WWOX: variants seen among roughly 807,000 people sequenced by gnomAD.
The protein encoded by WWOX is WW domain-containing oxidoreductase.
Under a neutral mutation model 46.2 loss-of-function variants are expected in WWOX, and 69 were observed. That is an observed-to-expected ratio of 1.49 (90% CI 1.23 to 1.82). The LOEUF (loss-of-function observed/expected upper bound fraction) is 1.82, where lower values mean the gene tolerates loss of function less well. Among genes scored for constraint, WWOX ranks in the 40% most tolerant of loss-of-function variants. The pLI, the probability that WWOX is intolerant of heterozygous loss-of-function variation, is 0.00. For synonymous variants in WWOX, 359 were observed against 202.6 expected (o/e 1.77, Z -6.56); for missense variants, 919 against 542.6 (o/e 1.69, Z -6.89).
At position 78,489,901 on chromosome 16, in the gene WWOX, C is replaced by T. The variant is rs141429084; in HGVS notation, c.1056+57149C>T. 1.1e-4 allele frequency among the ~76,000 whole-genome samples: 17 copies of T among 152,186 alleles called. No homozygotes were observed. In the East Asian group the frequency reaches 2.9e-3, roughly 26 times the overall value. On this transcript the variant is annotated intron_variant, in intron 8 of 8. Transcript: ENST00000566780. The stretch of plus-strand genomic sequence containing the variant: ...GAGGAGGAGGGGTCTGACAGATAGC[C>T]GGATGATTTTAATGTTTATATTCCA...
chr16:78,735,406 C>G (rs2049065938), intron 8 of WWOX, among the ~76,000 whole-genome samples: 2 of 150,606 alleles, frequency 1.3e-5, no homozygotes, highest in South Asian at 2.1e-4. Context: ...CACACACACA[C>G]ACACACACAC....
intron 8 of WWOX, among the ~76,000 whole-genome samples, chr16:78,960,125 C>T (rs1289558740): frequency 6.6e-6 from 1 of 152,124 alleles, no homozygotes; most frequent in Non-Finnish European, 1.5e-5. Flanking sequence ...TGTGCTGTGG[C>T]TCAGAGGCAG....
intron 8 of WWOX, among the ~76,000 whole-genome samples, chr16:78,622,245 A>C (rs188729126): frequency 2.0e-5 from 3 of 152,126 alleles, no homozygotes; most frequent in Non-Finnish European, 4.4e-5. Context: ...CTACTCTGAT[A>C]AAAGTGAACC....
chr16:78,302,924 T>G (rs1032879043), intron 5 of WWOX, among the ~76,000 whole-genome samples: 5 of 152,172 alleles, frequency 3.3e-5, no homozygotes, highest in Admixed American at 2.0e-4. Context: ...CACTACTTTA[T>G]CAACTGTAAT....
At chr16:78,533,186 C>T (rs1170541752) in intron 8 of WWOX, among the ~76,000 whole-genome samples, 1 of 152,114 alleles carries the variant, frequency 6.6e-6, no homozygotes, top group East Asian at 1.9e-4. Flanking sequence ...CTTTACAGGT[C>T]AGCCAGTTGG....
chr16:78,844,689 G>T (rs1025301587), intron 8 of WWOX, among the ~76,000 whole-genome samples: 1 of 152,172 alleles, frequency 6.6e-6, no homozygotes, highest in Non-Finnish European at 1.5e-5. Context: ...TTTAAAGAAA[G>T]ATTTTGCAGA....
At chr16:78,206,598 T>C (rs948927593) in intron 5 of WWOX, among the ~76,000 whole-genome samples, 2 of 152,194 alleles carry the variant, frequency 1.3e-5, no homozygotes, top group Non-Finnish European at 2.9e-5. Flanking sequence ...AATTTCACCC[T>C]ATTCTATTTT....
In WWOX at chr16:79,094,699, A is replaced by C. The variant is rs371752520; in HGVS notation, c.1057-116909A>C. On this transcript the variant is annotated intron_variant, in intron 8 of 8. Coordinates refer to ENST00000566780, the MANE Select transcript of WWOX (RefSeq NM_016373.4). ...TGGTATAAAATATGTACAAGGATAC[A>C]TATATAAACTTAGTGACCATCTGAA... Among the ~76,000 whole-genome samples the C allele has an allele frequency of 1.3e-4, 20 of 152,296 alleles. No individual in the cohort carries two copies. The South Asian group carries it at 4.1e-3, about 32-fold the overall frequency.
At chr16:79,145,739 T>G (rs1248831586) in intron 8 of WWOX, among the ~76,000 whole-genome samples, 2 of 152,204 alleles carry the variant, frequency 1.3e-5, no homozygotes, top group Non-Finnish European at 2.9e-5. Context: ...AGCAATGAAA[T>G]AATTTGAAGA....
chr16:78,516,637 C>T (rs2043241696), intron 8 of WWOX, among the ~76,000 whole-genome samples: 1 of 152,156 alleles, frequency 6.6e-6, no homozygotes. Flanking sequence ...TGTATTGTCT[C>T]CTCCTATTCC....
At chr16:78,220,272 A>T (rs1018176702) in intron 5 of WWOX, among the ~76,000 whole-genome samples, 1 of 152,140 alleles carries the variant, frequency 6.6e-6, no homozygotes, top group Non-Finnish European at 1.5e-5. Flanking sequence ...TATGTGATGG[A>T]TACTTCTATT....
chr16:78,798,062 C>T (rs914872534), intron 8 of WWOX, among the ~76,000 whole-genome samples: 3 of 152,168 alleles, frequency 2.0e-5, no homozygotes, highest in Non-Finnish European at 4.4e-5. Flanking sequence ...CCAGTCTTCT[C>T]CTTTTGTTTC....
chr16:78,432,637 G>A lies in WWOX; in HGVS notation c.941G>A (p.Arg314His), dbSNP rs73572838. 9,939 of 1,614,114 alleles carry A rather than the reference G, an allele frequency of 6.2e-3. 449 individuals are homozygous for A. The African/African-American group carries it at 0.11, about 18-fold the overall frequency. Residue 314 changes from arginine (R) to histidine (H), a missense_variant, in exon 8 of 9, where the codon CGC becomes CAC. Coordinates refer to ENST00000566780, the MANE Select transcript of WWOX (RefSeq NM_016373.4). The part of the protein sequence containing the change: ...SNELHRRLSP[R>H]GVTSNAVHPG... The stretch of plus-strand genomic sequence containing the variant: ...GAGCTGCACCGTCGCCTCTCCCCAC[G>A]CGGGGTCACGTCGAACGCAGTGCAT...
At chr16:78,361,251 A>C (rs1358203046) in intron 5 of WWOX, among the ~76,000 whole-genome samples, 1 of 152,176 alleles carries the variant, frequency 6.6e-6, no homozygotes. Flanking sequence ...TATAAAAATG[A>C]TGTGGTGTCT....
intron 8 of WWOX, among the ~76,000 whole-genome samples, chr16:78,851,512 G>C (rs918574447): frequency 1.3e-5 from 2 of 152,290 alleles, no homozygotes; most frequent in South Asian, 2.1e-4. Flanking sequence ...TAATGAGCCT[G>C]ATACTTTCAC....
At chr16:78,884,122 A>G (rs1048682917) in intron 8 of WWOX, among the ~76,000 whole-genome samples, 3 of 151,892 alleles carry the variant, frequency 2.0e-5, no homozygotes, top group African/African-American at 7.3e-5. Context: ...CTACAAAAAT[A>G]TTAGTCAGGC....
chr16:79,129,862 C>G (rs1336173260), intron 8 of WWOX, among the ~76,000 whole-genome samples: 1 of 152,220 alleles, frequency 6.6e-6, no homozygotes, highest in African/African-American at 2.4e-5. Context: ...GCTGAGCACA[C>G]AGGCAGGGGT....
chr16:78,399,342 A>G (rs1378932383), intron 6 of WWOX, among the ~76,000 whole-genome samples: 1 of 151,928 alleles, frequency 6.6e-6, no homozygotes, highest in Non-Finnish European at 1.5e-5. Context: ...CAACTTCTAA[A>G]GTAATCATAG....
intron 8 of WWOX, among the ~76,000 whole-genome samples, chr16:78,826,430 A>G (rs79068750): frequency 0.16 from 24,212 of 152,164 alleles, 2,007 homozygotes; most frequent in Admixed American, 0.22. Context: ...CTTACTTTGG[A>G]GGCTCTAGCT....
Sources: allele counts gnomAD v4.1 joint callset (sites outside exome capture counted in the v4.1 genomes callset), GRCh38; gene constraint gnomAD v4.1.1; transcripts MANE v1.5; gene names NCBI Gene and HGNC (gene_info 2026-07-23, HGNC 2026-07-21).